The following DMXL1 variants were observed in gnomAD, a reference collection of about 807,000 sequenced individuals.
DMXL1 encodes dmX-like protein 1.
A neutral mutation model predicts 319.2 loss-of-function variants in DMXL1; 99 were observed. The ratio of observed to expected loss-of-function variants is 0.31; its 90% confidence interval spans 0.26 to 0.37. DMXL1 has a LOEUF of 0.37. Among genes scored for constraint, DMXL1 ranks in the 10% least tolerant of loss-of-function variants. The pLI is 1.00. For synonymous variants in DMXL1, 1,385 were observed against 1,235.2 expected (o/e 1.12, Z -2.54); for missense variants, 3,745 against 3,595.6 (o/e 1.04, Z -1.06).
intron 1 of DMXL1, among the ~76,000 whole-genome samples, chr5:119,077,754 A>AGTGTGTGTGTGT (rs59365686): frequency 6.4e-5 from 8 of 125,412 alleles, no homozygotes; most frequent in African/African-American, 2.3e-4. Flanking sequence ...TTATTTTTTA[A>AGTGTGTGTGTGT]GTGTGTGTGT....
At chr5:119,143,667 C>T (rs754644751) in intron 13 of DMXL1, among the ~76,000 whole-genome samples, 174 bp from the exon 14 acceptor site, 7 of 151,582 alleles carry the variant, frequency 4.6e-5, no homozygotes, top group Non-Finnish European at 1.0e-4. Context: ...CTTTTTCATT[C>T]GTTTGTTAAT....
At chr5:119,199,864 C>T (rs533395887) in intron 32 of DMXL1, among the ~76,000 whole-genome samples, 4 of 152,238 alleles carry the variant, frequency 2.6e-5, no homozygotes, top group South Asian at 2.1e-4. Flanking sequence ...CTTATTGGCA[C>T]GTACGTCTTC....
At chr5:119,099,527 A>G in intron 2 of DMXL1, among the ~76,000 whole-genome samples, 1 of 152,016 alleles carries the variant, frequency 6.6e-6, no homozygotes, top group Non-Finnish European at 1.5e-5. Flanking sequence ...TTTTATTTTC[A>G]TTCTCTTCAT....
At position 119,084,428 on chromosome 5, in the gene DMXL1, A is replaced by G. The variant is rs1461114691; in HGVS notation, c.87+12772A>G. Among the ~76,000 whole-genome samples, 57 of 152,184 alleles carry G rather than the reference A, an allele frequency of 3.7e-4. 1 individual carries two copies. Among genetic ancestry groups the G allele is most frequent in the Admixed American group, 3.7e-3 (57 of 15,270 alleles). The stretch of plus-strand genomic sequence containing the variant: ...AGCCACTGTGCCTGACCTTTTCCCC[A>G]AAAGCGTTCTTTTTGCTTAAAATTG... On this transcript the variant is annotated intron_variant, in intron 1 of 43. Transcript: ENST00000539542.
rs1790136474 is a variant in DMXL1, at chr5:119,248,742, G to A, written c.*1523G>A. 6.6e-6 allele frequency: 1 copy of A among 152,470 alleles called. No homozygotes were observed. Among genetic ancestry groups the A allele is most frequent in the African/African-American group, 2.4e-5 (1 of 41,436 alleles). 9.4% of individuals were successfully genotyped at this position (152,470 alleles called of 1,614,324 possible). On this transcript the variant is annotated 3_prime_UTR_variant, in exon 44 of 44. Transcript: ENST00000539542. ...AAATTGTATTTCAACAATTTTAAAT[G>A]TGTTGAGCAAGTTGCAGTGCAAACA...
chr5:119,185,115 GC>G (rs1032854930), intron 28 of DMXL1, among the ~76,000 whole-genome samples: 1 of 151,616 alleles, frequency 6.6e-6, no homozygotes, highest in Non-Finnish European at 1.5e-5. Flanking sequence ...TCTTTCCTCT[GC>G]TTTCACCTCC....
At chr5:119,160,356 T>C (rs1333976555) in intron 19 of DMXL1, among the ~76,000 whole-genome samples, 1 of 152,234 alleles carries the variant, frequency 6.6e-6, no homozygotes, top group East Asian at 1.9e-4. Context: ...AGATTTCTCC[T>C]GTTATTTATT....
intron 7 of DMXL1, 70 bp downstream of exon 7, chr5:119,116,406 C>A: frequency 4.7e-6 from 7 of 1,504,502 alleles, no homozygotes; most frequent in Non-Finnish European, 5.4e-6. Context: ...TTGCTTCTCT[C>A]ACTTTTGAGA....
At chr5:119,084,864 CAAAA>C (rs767235744) in intron 1 of DMXL1, among the ~76,000 whole-genome samples, 5 of 69,886 alleles carry the variant, frequency 7.2e-5, no homozygotes, top group Admixed American at 3.3e-4. Context: ...AACTCCGTCT[CAAAA>C]AAAAAAAAAA....
intron 20 of DMXL1, among the ~76,000 whole-genome samples, chr5:119,164,896 T>C (rs1024070702): frequency 2.1e-5 from 3 of 145,880 alleles, no homozygotes; most frequent in Non-Finnish European, 4.6e-5. Flanking sequence ...TTGTTAGTAG[T>C]ATATGTCTGA....
chr5:119,163,736 C>T (rs547638147), intron 19 of DMXL1, among the ~76,000 whole-genome samples: 4 of 152,296 alleles, frequency 2.6e-5, no homozygotes, highest in East Asian at 1.9e-4. Flanking sequence ...CTACCATGCC[C>T]GGCTAATTTT....
At chr5:119,224,353 A>G (rs1785164549) in intron 37 of DMXL1, among the ~76,000 whole-genome samples, 1 of 151,982 alleles carries the variant, frequency 6.6e-6, no homozygotes, top group African/African-American at 2.4e-5. Context: ...AATTTATTTA[A>G]TTTTCTCTTC....
intron 3 of DMXL1, among the ~76,000 whole-genome samples, chr5:119,102,747 A>G (rs1304196738): frequency 6.6e-6 from 1 of 152,192 alleles, no homozygotes; most frequent in Non-Finnish European, 1.5e-5. Flanking sequence ...GTGAGCAATG[A>G]TGGCACCACT....
intron 34 of DMXL1, among the ~76,000 whole-genome samples, chr5:119,210,591 A>G (rs1396811420): frequency 1.3e-5 from 2 of 152,118 alleles, no homozygotes; most frequent in East Asian, 3.9e-4. Context: ...ATCAGTTGAC[A>G]CAGATGAGTA....
At chr5:119,212,578 A>C (rs940497141) in intron 34 of DMXL1, among the ~76,000 whole-genome samples, 1 of 152,136 alleles carries the variant, frequency 6.6e-6, no homozygotes, top group Non-Finnish European at 1.5e-5. Flanking sequence ...TGGAATTGCT[A>C]GATCATATAG....
intron 1 of DMXL1, among the ~76,000 whole-genome samples, chr5:119,083,990 G>A (rs1752775453): frequency 6.6e-6 from 1 of 152,094 alleles, no homozygotes; most frequent in South Asian, 2.1e-4. Flanking sequence ...TTTTAACTGG[G>A]GTGAGATGAT....
Position 119,171,838 on chromosome 5 carries a change from T to C in DMXL1, c.6550T>C (p.Phe2184Leu). ...LSEQTSVPLL[F>L]ACTANAKTVV... ...AGAGCAAACCTCAGTGCCTCTCCTCTTTGCTTGTACAGCCAATGCCAAAAC... is the reference window on the plus strand; with the variant it reads ...AGAGCAAACCTCAGTGCCTCTCCTCCTTGCTTGTACAGCCAATGCCAAAAC... The change falls in exon 25 of 44, where the codon TTT becomes CTT. Residue 2184 changes from phenylalanine to leucine, a missense_variant. Transcript: ENST00000539542. 6.2e-7 allele frequency: 1 copy of C among 1,613,968 alleles called. No homozygotes were observed. Among genetic ancestry groups the C allele is most frequent in the South Asian group, 1.1e-5 (1 of 91,056 alleles).
intron 5 of DMXL1, among the ~76,000 whole-genome samples, chr5:119,112,426 A>T (rs1306554156): frequency 6.6e-6 from 1 of 152,208 alleles, no homozygotes; most frequent in Non-Finnish European, 1.5e-5. Flanking sequence ...ATGAACAGAT[A>T]GGGGTAGATA....
In DMXL1 at chr5:119,178,089, A is replaced by G. The variant is rs766531622; in HGVS notation, c.6980A>G (p.Tyr2327Cys). The change falls in exon 28 of 44, where the codon TAT becomes TGT. Residue 2327 changes from tyrosine to cysteine, a missense_variant. This residue lies in a region of DMXL1 where 1,382 missense variants were observed against 1,269.5 expected (regional missense o/e 1.09). Coordinates refer to ENST00000539542, the MANE Select transcript of DMXL1 (RefSeq NM_001290321.3). The stretch of plus-strand genomic sequence containing the variant: ...CTCTGTGAGATTCTCACAGCAGTGT[A>G]TCTTAGTCTCTTCATCCATGGCCTG... ...VLLCEILTAV[Y>C]LSLFIHGLAT... is the part of the protein sequence containing the mutation. 1.9e-6 allele frequency: 3 copies of G among 1,613,954 alleles called. No individual in the cohort carries two copies. The highest frequency in any genetic ancestry group is 1.7e-6 in the Non-Finnish European group (2 of 1,179,858).
Sources: gnomAD v4.1 joint callset for allele counts (sites outside exome capture counted in the v4.1 genomes callset) on GRCh38, gnomAD v4.1.1 for gene constraint, gnomAD v4.1.1 regional missense constraint, MANE v1.5 for transcripts, NCBI Gene and HGNC (gene_info 2026-07-23, HGNC 2026-07-21) for gene names.